Variants in DNAJC5 observed in about 807,000 individuals in gnomAD.
DNAJC5 encodes the protein DnaJ heat shock protein family (Hsp40) member C5.
In DNAJC5, 1 loss-of-function variant was observed where a neutral mutation model predicts 23.2. The ratio of observed to expected loss-of-function variants is 0.04; its 90% CI spans 0.02 to 0.20. The LOEUF is 0.20. Among genes scored for constraint, DNAJC5 ranks in the 10% least tolerant of loss-of-function variants. The pLI is 1.00. For missense variants in DNAJC5, 180 were observed against 267.0 expected (o/e 0.67, Z 2.27); for synonymous variants, 136 against 120.0 (o/e 1.13, Z -0.87).
At position 63,920,217 on chromosome 20, in the gene DNAJC5, G is replaced by A. The variant is rs2146292600; in HGVS notation, c.-11-8118G>A. 6.6e-6 allele frequency among the ~76,000 whole-genome samples: 1 copy of A among 152,384 alleles called. No individual in the cohort carries two copies. The highest frequency in any genetic ancestry group is 2.4e-5 in the African/African-American group (1 of 41,598). The stretch of plus-strand genomic sequence containing the variant: ...CCAAGAGCAGGCTCAGGGCTCTGGG[G>A]TCTGAGTGAGGGCTCTCCAGCCAGC... On this transcript the variant is annotated intron_variant, in intron 1 of 4. Coordinates refer to ENST00000360864, the MANE Select transcript of DNAJC5 (RefSeq NM_025219.3). This position sits in a 1 kb window ranked among gnomAD's most constrained non-coding sequence, Gnocchi z 4.6.
chr20:63,931,683 T>C lies in DNAJC5; in HGVS notation c.*115T>C. On this transcript the variant is annotated 3_prime_UTR_variant, in exon 5 of 5. Transcript: ENST00000360864. This position sits in a 1 kb window ranked among gnomAD's most constrained non-coding sequence, Gnocchi z 9.6. Reference sequence around the variant, plus strand: ...AGCCTCCTGCCTGCCCTGGCCTTGCTGGGGCCCCTCCTGCCTCCACGCCCA... The same window carrying C: ...AGCCTCCTGCCTGCCCTGGCCTTGCCGGGGCCCCTCCTGCCTCCACGCCCA... 2 of 1,145,126 alleles carry C rather than the reference T, an allele frequency of 1.7e-6. No homozygotes were observed. The highest frequency in any genetic ancestry group is 2.5e-6 in the Non-Finnish European group (2 of 790,734). The allele number at this position is 1,145,126 out of a possible 1,614,324, so 70.9% of individuals were successfully genotyped here. A position where few individuals can be genotyped will look rare whatever the true frequency, so the allele number is the denominator to read the frequency against.
chr20:63,913,003 T>C (rs1375636549), intron 1 of DNAJC5, among the ~76,000 whole-genome samples: 4 of 79,974 alleles, frequency 5.0e-5, no homozygotes, highest in Non-Finnish European at 8.6e-5. Flanking sequence ...CGTATTTGTA[T>C]TTTTAGCAAT....
At chr20:63,930,762 C>T (rs957125410) in intron 3 of DNAJC5, 89 bp from the exon 4 acceptor site, 73 of 1,598,008 alleles carry the variant, frequency 4.6e-5, no homozygotes, top group Non-Finnish European at 5.8e-5. Flanking sequence ...AACGCACCCC[C>T]TGCCTTCTGC....
intron 1 of DNAJC5, among the ~76,000 whole-genome samples, chr20:63,903,394 G>A (rs771670365): frequency 9.9e-5 from 15 of 152,056 alleles, no homozygotes; most frequent in Non-Finnish European, 1.6e-4. Flanking sequence ...TGCAACCTCC[G>A]CCTCCTGGGT....
chr20:63,925,000 AT>A (rs2053600502), intron 1 of DNAJC5, among the ~76,000 whole-genome samples: 1 of 152,222 alleles, frequency 6.6e-6, no homozygotes, highest in Non-Finnish European at 1.5e-5. Context: ...GAAGAACTTT[AT>A]TGAGCAGTGA....
At chr20:63,898,485 G>T (rs1039239360) in intron 1 of DNAJC5, among the ~76,000 whole-genome samples, 1 of 152,172 alleles carries the variant, frequency 6.6e-6, no homozygotes, top group Non-Finnish European at 1.5e-5. Context: ...ATGGTGGCTA[G>T]CCCTGCACAA....
At chr20:63,906,442 A>G (rs2146276199) in intron 1 of DNAJC5, among the ~76,000 whole-genome samples, 1 of 152,226 alleles carries the variant, frequency 6.6e-6, no homozygotes, top group East Asian at 1.9e-4. Context: ...GTGAGCCGAC[A>G]TTGCTCCACT....
Position 63,935,689 on chromosome 20 carries a change from G to T in DNAJC5, c.*4121G>T, listed in dbSNP as rs1316552674. ...ACCTCCAGAAGGGGCTGGGCCCGGG[G>T]TCCTGCAGGCGGCACCTTTTGGTAG... On this transcript the variant is annotated 3_prime_UTR_variant, in exon 5 of 5. Coordinates refer to ENST00000360864, the MANE Select transcript of DNAJC5 (RefSeq NM_025219.3). 11 of 152,290 alleles carry T rather than the reference G, an allele frequency of 7.2e-5. No homozygotes were observed. Among genetic ancestry groups the T allele is most frequent in the Admixed American group, 7.2e-4 (11 of 15,292 alleles). 9.4% of individuals were successfully genotyped at this position (152,290 alleles called of 1,614,324 possible). A position where few individuals can be genotyped will look rare whatever the true frequency, so the allele number is the denominator to read the frequency against.
chr20:63,928,826 T>C lies in DNAJC5; in HGVS notation c.107+374T>C, dbSNP rs1446271831. Among the ~76,000 whole-genome samples the C allele has an allele frequency of 1.3e-5, 2 of 152,184 alleles. No homozygotes were observed. The highest frequency in any genetic ancestry group is 2.4e-5 in the African/African-American group (1 of 41,446). ...CCCTCACTCTGTTGTGGCCTTCTGA[T>C]TGAGCTTGAAGAACTGCACTCTTGG... On this transcript the variant is annotated intron_variant, in intron 2 of 4. Transcript: ENST00000360864. The surrounding 1 kb of genome is among the most constrained non-coding windows in gnomAD (Gnocchi z 4.6).
At chr20:63,897,858 C>T (rs2053384962) in intron 1 of DNAJC5, among the ~76,000 whole-genome samples, 1 of 152,178 alleles carries the variant, frequency 6.6e-6, no homozygotes, top group South Asian at 2.1e-4. Flanking sequence ...TTTCCACAGC[C>T]TCCACCTCAT....
chr20:63,908,401 C>T (rs2053460800), intron 1 of DNAJC5, among the ~76,000 whole-genome samples: 1 of 152,192 alleles, frequency 6.6e-6, no homozygotes, highest in Non-Finnish European at 1.5e-5. Flanking sequence ...TGAACTGTGG[C>T]GGATCCACTC....
chr20:63,930,178 CTTTTTA>C (rs1441929746), intron 3 of DNAJC5, among the ~76,000 whole-genome samples: 1 of 152,180 alleles, frequency 6.6e-6, no homozygotes, highest in African/African-American at 2.4e-5. Context: ...TTATAAAGTA[CTTTTTA>C]TTTAGTTAAT....
chr20:63,925,214 G>C (rs959815318), intron 1 of DNAJC5, among the ~76,000 whole-genome samples: 1 of 152,166 alleles, frequency 6.6e-6, no homozygotes, highest in East Asian at 1.9e-4. Context: ...GGCCGGGCAC[G>C]GTGGCTCACG....
At chr20:63,911,329 GC>G in intron 1 of DNAJC5, among the ~76,000 whole-genome samples, 1 of 152,288 alleles carries the variant, frequency 6.6e-6, no homozygotes, top group South Asian at 2.1e-4. Flanking sequence ...AGGTGTGGCC[GC>G]TGGTCTTGTT....
chr20:63,913,721 C>T (rs545294062), intron 1 of DNAJC5, among the ~76,000 whole-genome samples: 16 of 152,192 alleles, frequency 1.1e-4, no homozygotes, highest in South Asian at 2.1e-4. Flanking sequence ...GTAGGGATTG[C>T]GGGCACCTAC....
chr20:63,923,951 A>G (rs2053591346), intron 1 of DNAJC5, among the ~76,000 whole-genome samples: 1 of 152,048 alleles, frequency 6.6e-6, no homozygotes, highest in East Asian at 1.9e-4. Context: ...CCACTTGTGA[A>G]TTGTTTTTTA....
intron 1 of DNAJC5, among the ~76,000 whole-genome samples, chr20:63,895,551 G>A (rs1463413299): frequency 1.3e-5 from 2 of 150,310 alleles, no homozygotes; most frequent in African/African-American, 4.9e-5. Flanking sequence ...AGCCGGGCCG[G>A]GCCGGGCCGG....
At chr20:63,904,657 C>T (rs759497312) in intron 1 of DNAJC5, among the ~76,000 whole-genome samples, 1 of 152,202 alleles carries the variant, frequency 6.6e-6, no homozygotes, top group Admixed American at 6.5e-5. Context: ...TAATGCTGTT[C>T]CTACAGCAGC....
intron 1 of DNAJC5, among the ~76,000 whole-genome samples, chr20:63,916,863 C>G (rs1434633007): frequency 3.9e-5 from 6 of 152,184 alleles, no homozygotes; most frequent in Non-Finnish European, 5.9e-5. Flanking sequence ...CTTATAGGCT[C>G]TCTGCAAGAA....
Sources: allele counts gnomAD v4.1 joint callset (sites outside exome capture counted in the v4.1 genomes callset), GRCh38; gene constraint gnomAD v4.1.1; non-coding constraint Gnocchi (gnomAD v3.1); transcripts MANE v1.5; gene names NCBI Gene and HGNC (gene_info 2026-07-23, HGNC 2026-07-21).